FANCI: variants seen among roughly 807,000 people sequenced by gnomAD.
FANCI encodes Fanconi anemia group I protein.
A neutral mutation model predicts 176.1 loss-of-function variants in FANCI; 156 were observed. The ratio of observed to expected loss-of-function variants is 0.89; its 90% CI spans 0.78 to 1.01. The LOEUF (loss-of-function observed/expected upper bound fraction) is 1.01. Among genes scored for constraint, FANCI ranks in the 50% least tolerant of loss-of-function variants. The pLI, the probability that FANCI is intolerant of heterozygous loss-of-function variation, is 0.00. For synonymous variants in FANCI, 613 were observed against 541.7 expected, an observed-to-expected ratio of 1.13 and a Z score of -1.83; for missense variants, 1,678 against 1,534.1, an observed-to-expected ratio of 1.09 and a Z score of -1.57.
Position 89,316,645 on chromosome 15 carries a change from C to G in FANCI, c.*186C>G. ...GTCCTGCTACTGAAAAATGGCTGGC[C>G]TTAGGCAAGCCCTTTTGCAAAAAGC... is the stretch of plus-strand genomic sequence containing the variant. On this transcript the variant is annotated 3_prime_UTR_variant, in exon 38 of 38. Transcript: ENST00000310775. The G allele has an allele frequency of 8.4e-7, 1 of 1,189,734 alleles. No individual in the cohort carries two copies. Among genetic ancestry groups the G allele is most frequent in the Non-Finnish European group, 1.3e-6 (1 of 798,060 alleles). The allele number at this position is 1,189,734 out of a possible 1,614,324, so 73.7% of individuals were successfully genotyped here. A position where few individuals can be genotyped will look rare whatever the true frequency, so the allele number is the denominator to read the frequency against.
At chr15:89,313,006 T>C (rs1183679803) in intron 35 of FANCI, 34 bp downstream of exon 35, 32 of 1,601,068 alleles carry the variant, frequency 2.0e-5, no homozygotes, top group Non-Finnish European at 2.5e-5. Flanking sequence ...AAAATATGCT[T>C]GTTGGTGAAC....
intron 27 of FANCI, among the ~76,000 whole-genome samples, chr15:89,302,761 G>T (rs1257005382): frequency 6.6e-6 from 1 of 152,080 alleles, no homozygotes; most frequent in East Asian, 1.9e-4. Context: ...TTTTAATAGA[G>T]ACGGGGTTTC....
rs138767485 is a variant in FANCI at position 89,281,809 on chromosome 15, T to C, written c.1557T>C (p.Leu519=). The change falls in exon 16 of 38, where the codon CTT becomes CTC. Residue 519 remains leucine (L), a synonymous_variant. Coordinates refer to ENST00000310775, the MANE Select transcript of FANCI (RefSeq NM_001113378.2). ...TGTCAATGAGAGACTGCTTGATACT[T>C]GTCCTTCGGAAAGCTATGTTTGCCA... ...VSMSMRDCLI[L]VLRKAMFANQ... is the part of the protein sequence containing the mutation. The C allele has an allele frequency of 2.0e-5, 33 of 1,613,784 alleles. No homozygotes were observed. Among genetic ancestry groups the C allele is most frequent in the Middle Eastern group, 1.6e-4 (1 of 6,082 alleles).
At chr15:89,285,067 A>G in intron 17 of FANCI, 29 bp from the exon 18 acceptor site, 1 of 1,613,676 alleles carries the variant, frequency 6.2e-7, no homozygotes, top group South Asian at 1.1e-5. Flanking sequence ...TTGGTAAGAT[A>G]GACGTGAATT....
intron 2 of FANCI, among the ~76,000 whole-genome samples, chr15:89,249,840 A>C (rs1482456222): frequency 6.6e-6 from 1 of 152,232 alleles, no homozygotes; most frequent in Non-Finnish European, 1.5e-5. Context: ...TAAAGCACAG[A>C]TTGTAAAGAG....
At chr15:89,258,133 A>G (rs2151211051) in intron 2 of FANCI, among the ~76,000 whole-genome samples, 1 of 151,198 alleles carries the variant, frequency 6.6e-6, no homozygotes, top group Non-Finnish European at 1.5e-5. Flanking sequence ...CTTCTTGGAC[A>G]TTGCACGTGA....
At chr15:89,295,960 GTTTAT>G (rs1355267992) in intron 24 of FANCI, among the ~76,000 whole-genome samples, 2 of 151,832 alleles carry the variant, frequency 1.3e-5, no homozygotes, top group Non-Finnish European at 2.9e-5. Context: ...TTTAATTTTA[GTTTAT>G]TTTATTTACT....
intron 22 of FANCI, among the ~76,000 whole-genome samples, chr15:89,293,456 C>T (rs1457703419): frequency 6.6e-6 from 1 of 152,166 alleles, no homozygotes; most frequent in Non-Finnish European, 1.5e-5. Flanking sequence ...GGAGGCCAAG[C>T]TGGGTGTATC....
At chr15:89,246,218 G>T (rs150924710) in intron 1 of FANCI, among the ~76,000 whole-genome samples, 154 of 152,164 alleles carry the variant, frequency 1.0e-3, no homozygotes, top group Non-Finnish European at 7.4e-5. Context: ...TGCTTCATGT[G>T]CCTCCATTTC....
rs2054158750 is a variant in FANCI at position 89,293,875 on chromosome 15, CA to C, written c.2340del (p.Lys780AsnfsTer28). On this transcript the variant is annotated frameshift_variant, in exon 23 of 38. Transcript: ENST00000310775. LOFTEE classifies it high-confidence loss of function. ...ACATTCTGAGCTTATTTATGTGTTACAAAAAACTCTCTGACATTCTTAATGA... is the reference window on the plus strand; with the variant it reads ...ACATTCTGAGCTTATTTATGTGTTACAAAAACTCTCTGACATTCTTAATGA... The part of the protein sequence containing the change: ...EDILSLFMCY[K>X]KLSDILNEKA... The C allele has an allele frequency of 6.2e-7, 1 of 1,613,908 alleles. No homozygotes were observed. The highest frequency in any genetic ancestry group is 1.1e-5 in the South Asian group (1 of 91,074).
At chr15:89,279,229 C>T (rs1043388899) in intron 14 of FANCI, among the ~76,000 whole-genome samples, 3 of 152,182 alleles carry the variant, frequency 2.0e-5, no homozygotes, top group East Asian at 3.8e-4. Context: ...GCAATCTCAG[C>T]TCACTGCAAC....
chr15:89,307,247 G>A (rs1418325770), intron 32 of FANCI, among the ~76,000 whole-genome samples: 1 of 152,210 alleles, frequency 6.6e-6, no homozygotes, highest in African/African-American at 2.4e-5. Flanking sequence ...CCAGCCTGAG[G>A]AATTTTTAAA....
intron 27 of FANCI, among the ~76,000 whole-genome samples, chr15:89,302,475 A>T (rs1412845573): frequency 6.6e-6 from 1 of 152,176 alleles, no homozygotes; most frequent in African/African-American, 2.4e-5. Flanking sequence ...GTTCAGGAAA[A>T]TTTAAAAATT....
chr15:89,254,621 T>G (rs944349731), intron 2 of FANCI, among the ~76,000 whole-genome samples: 5 of 152,106 alleles, frequency 3.3e-5, no homozygotes, highest in Non-Finnish European at 7.4e-5. Context: ...TTGGACAACA[T>G]AGTGAGAACC....
chr15:89,292,327 C>T (rs542920473), intron 20 of FANCI, among the ~76,000 whole-genome samples: 2 of 152,268 alleles, frequency 1.3e-5, no homozygotes, highest in South Asian at 2.1e-4. Flanking sequence ...TGTTGGTCTC[C>T]TAAAGATTCC....
In FANCI at chr15:89,313,973, TCACACACA is replaced by T. The variant is rs139859584; in HGVS notation, c.3721-616_3721-609del. ...TCACGTTAGGGGGAAAGATATATAA[TCACACACA>T]CACACACACACACACACACACAAAT... is the stretch of plus-strand genomic sequence containing the variant. On this transcript the variant is annotated intron_variant, in intron 35 of 37. Transcript: ENST00000310775. Among the ~76,000 whole-genome samples, 774 of 98,324 alleles carry T rather than the reference TCACACACA, an allele frequency of 7.9e-3. 13 individuals are homozygous for T. The highest frequency in any genetic ancestry group is 0.022 in the East Asian group (77 of 3,426). 64.5% of individuals were successfully genotyped at this position (98,324 alleles called of 152,430 possible).
intron 2 of FANCI, among the ~76,000 whole-genome samples, chr15:89,251,524 AG>A (rs2052249303): frequency 6.6e-6 from 1 of 152,248 alleles, no homozygotes; most frequent in Non-Finnish European, 1.5e-5. Context: ...TATCTTTATC[AG>A]GTATAACCTT....
chr15:89,265,265 T>C (rs1437398692), intron 9 of FANCI, among the ~76,000 whole-genome samples: 2 of 152,180 alleles, frequency 1.3e-5, no homozygotes, highest in African/African-American at 4.8e-5. Flanking sequence ...TGGAGTACAT[T>C]GGCATGATCT....
At chr15:89,250,781 G>A (rs2052212650) in intron 2 of FANCI, among the ~76,000 whole-genome samples, 1 of 151,010 alleles carries the variant, frequency 6.6e-6, no homozygotes, top group Non-Finnish European at 1.5e-5. Context: ...CAGGATTTTT[G>A]AAGAATAATT....
Sources: gnomAD v4.1 joint callset for allele counts (sites outside exome capture counted in the v4.1 genomes callset) on GRCh38, gnomAD v4.1.1 for gene constraint, MANE v1.5 for transcripts, NCBI Gene and HGNC (gene_info 2026-07-23, HGNC 2026-07-21) for gene names.